MORF4L1: variants seen among roughly 807,000 people sequenced by gnomAD.
MORF4L1 encodes the protein mortality factor 4-like protein 1.
MORF4L1 carries 4 observed loss-of-function variants against 52.9 expected under a neutral mutation model. That is an observed-to-expected ratio of 0.08 (90% CI 0.04 to 0.17). The LOEUF (loss-of-function observed/expected upper bound fraction) is 0.17, where lower values mean the gene tolerates loss of function less well. Among genes scored for constraint, MORF4L1 ranks in the 10% least tolerant of loss-of-function variants. The pLI is 1.00. For synonymous variants in MORF4L1, 123 were observed against 134.8 expected (o/e 0.91, Z 0.61); for missense variants, 214 against 390.4 (o/e 0.55, Z 3.81).
rs2056397521 is a variant in MORF4L1 at position 78,873,071 on chromosome 15, T to G, written c.40+14T>G. The G allele has an allele frequency of 6.4e-7, 1 of 1,550,624 alleles. No individual in the cohort carries two copies. The highest frequency in any genetic ancestry group is 8.7e-7 in the Non-Finnish European group (1 of 1,146,538). The stretch of plus-strand genomic sequence containing the variant: ...AATTCCAGGAGGGTGAGTGTGCGCC[T>G]TTGGGAAAAAGGCACCTAACGGCGC... On this transcript the variant is annotated intron_variant, in intron 1 of 11. Transcript: ENST00000426013.
chr15:78,877,061 TC>T lies in MORF4L1; in HGVS notation c.41-1149del, dbSNP rs577796833. Among the ~76,000 whole-genome samples, 489 of 142,890 alleles carry T rather than the reference TC, an allele frequency of 3.4e-3. 1 individual carries two copies. The highest frequency in any genetic ancestry group is 0.01 in the African/African-American group (393 of 38,740). 93.7% of individuals were successfully genotyped at this position (142,890 alleles called of 152,430 possible). ...TTCAAGCGATTCTCATGTCTCAGCC[TC>T]CCGAGTAGCTGGTAGCTGGGACTGA... On this transcript the variant is annotated intron_variant, in intron 1 of 11. Transcript: ENST00000426013.
intron 5 of MORF4L1, among the ~76,000 whole-genome samples, chr15:78,888,110 C>T (rs1236028173): frequency 6.6e-6 from 1 of 151,786 alleles, no homozygotes; most frequent in African/African-American, 2.4e-5. Flanking sequence ...GATTTTAGAA[C>T]ATCTGATAAG....
intron 3 of MORF4L1, among the ~76,000 whole-genome samples, chr15:78,884,245 G>A (rs925685267): frequency 9.2e-5 from 14 of 151,404 alleles, no homozygotes; most frequent in African/African-American, 3.4e-4. Flanking sequence ...CAGGCGCGAT[G>A]GCTCATGCCT....
intron 1 of MORF4L1, among the ~76,000 whole-genome samples, chr15:78,874,579 CTTTCTT>C (rs1261237467): frequency 5.1e-5 from 5 of 97,698 alleles, no homozygotes; most frequent in East Asian, 3.2e-4. Context: ...TTTTCTTTTT[CTTTCTT>C]TTTTTTTTTT....
At chr15:78,874,259 G>T (rs919861826) in intron 1 of MORF4L1, among the ~76,000 whole-genome samples, 1 of 152,172 alleles carries the variant, frequency 6.6e-6, no homozygotes, top group African/African-American at 2.4e-5. Context: ...TTGTTCTAGG[G>T]GTTTTTAGAC....
intron 3 of MORF4L1, among the ~76,000 whole-genome samples, chr15:78,884,221 G>A (rs1252137091): frequency 9.2e-6 from 1 of 109,134 alleles, no homozygotes; most frequent in African/African-American, 3.8e-5. Flanking sequence ...AAAACAAAAA[G>A]CTGAAATTCT....
chr15:78,890,304 T>C (rs2056777053), intron 5 of MORF4L1, among the ~76,000 whole-genome samples: 1 of 139,048 alleles, frequency 7.2e-6, no homozygotes, highest in African/African-American at 2.7e-5. Context: ...ATGAGGAGAC[T>C]TAAAACAAAA....
intron 1 of MORF4L1, among the ~76,000 whole-genome samples, chr15:78,875,512 T>C (rs1335467065): frequency 2.0e-5 from 3 of 152,196 alleles, no homozygotes; most frequent in Non-Finnish European, 2.9e-5. Flanking sequence ...CTCACGCCTC[T>C]AATCCCAGCA....
intron 3 of MORF4L1, among the ~76,000 whole-genome samples, chr15:78,883,875 G>A (rs1419892803): frequency 1.3e-5 from 2 of 152,160 alleles, no homozygotes; most frequent in Non-Finnish European, 2.9e-5. Context: ...ATGGATCATT[G>A]TGACTCTGGG....
chr15:78,873,169 C>T (rs2056401310), intron 1 of MORF4L1, 112 bp downstream of exon 1: 4 of 1,533,980 alleles, frequency 2.6e-6, no homozygotes, highest in African/African-American at 2.8e-5. Flanking sequence ...CCTGAGAAGG[C>T]GGCGGTCAGT....
At chr15:78,890,415 T>C (rs981494366) in intron 5 of MORF4L1, among the ~76,000 whole-genome samples, 1 of 151,962 alleles carries the variant, frequency 6.6e-6, no homozygotes, top group Non-Finnish European at 1.5e-5. Context: ...TAATGTAGTA[T>C]ATACTATAAC....
intron 10 of MORF4L1, 111 bp from the exon 11 acceptor site, chr15:78,894,709 A>C (rs1482895812): frequency 1.1e-6 from 1 of 876,970 alleles, no homozygotes; most frequent in Non-Finnish European, 1.9e-6. Context: ...TGCCCGGCCT[A>C]AAATCATGTA....
chr15:78,876,217 C>T (rs542071954), intron 1 of MORF4L1, among the ~76,000 whole-genome samples: 21 of 151,566 alleles, frequency 1.4e-4, no homozygotes, highest in African/African-American at 4.8e-4. Flanking sequence ...ATTACAGGTG[C>T]GAGCCACCGC....
At chr15:78,884,024 T>G (rs975644638) in intron 3 of MORF4L1, among the ~76,000 whole-genome samples, 3 of 150,644 alleles carry the variant, frequency 2.0e-5, no homozygotes, top group Non-Finnish European at 1.5e-5. Context: ...GCCAACATGA[T>G]GAAATCCCGT....
At chr15:78,878,028 A>G in intron 1 of MORF4L1, 185 bp from the exon 2 acceptor site, 1 of 480,994 alleles carries the variant, frequency 2.1e-6, no homozygotes, top group African/African-American at 2.0e-5. Flanking sequence ...TTACCATCGG[A>G]TACCAACGTG....
chr15:78,881,189 CTTTT>C (rs570514618), intron 3 of MORF4L1, among the ~76,000 whole-genome samples: 36 of 67,182 alleles, frequency 5.4e-4, no homozygotes, highest in African/African-American at 1.6e-3. Flanking sequence ...AGAGTTAAGC[CTTTT>C]TTTTTTTTTT....
In MORF4L1 at chr15:78,872,947, G is replaced by A. The variant is rs2141578993; in HGVS notation, c.-71G>A. On this transcript the variant is annotated 5_prime_UTR_variant, in exon 1 of 12. Transcript: ENST00000426013. ...CTGACGGCGCGTCTGACGCGGAGTT[G>A]GGTGGGGTAGAGAGTAGGGGGCGGT... 2 of 1,526,108 alleles carry A rather than the reference G, an allele frequency of 1.3e-6. No homozygotes were observed. Among genetic ancestry groups the A allele is most frequent in the East Asian group, 2.5e-5 (1 of 39,814 alleles). 94.5% of individuals were successfully genotyped at this position (1,526,108 alleles called of 1,614,324 possible). A position where few individuals can be genotyped will look rare whatever the true frequency, so the allele number is the denominator to read the frequency against.
intron 4 of MORF4L1, among the ~76,000 whole-genome samples, chr15:78,886,926 G>A (rs1477786064): frequency 6.8e-6 from 1 of 146,862 alleles, no homozygotes; most frequent in Non-Finnish European, 1.5e-5. Context: ...CTGCAGTGTA[G>A]CCTGGGCAGC....
At chr15:78,877,348 G>C (rs761047806) in intron 1 of MORF4L1, among the ~76,000 whole-genome samples, 1 of 152,056 alleles carries the variant, frequency 6.6e-6, no homozygotes, top group Non-Finnish European at 1.5e-5. Context: ...TCAAACTCCT[G>C]ACCTCAGGTG....
Sources: gnomAD v4.1 joint callset for allele counts (sites outside exome capture counted in the v4.1 genomes callset) on GRCh38, gnomAD v4.1.1 for gene constraint, MANE v1.5 for transcripts, NCBI Gene and HGNC (gene_info 2026-07-23, HGNC 2026-07-21) for gene names.